Variants in NAA16 observed in about 807,000 individuals in gnomAD.
NAA16 encodes N-alpha-acetyltransferase 16, NatA auxiliary subunit.
NAA16 carries 97 observed loss-of-function variants against 110.3 expected under a neutral mutation model. That is an observed-to-expected ratio of 0.88 (90% CI 0.75 to 1.04). NAA16 has a LOEUF of 1.04. Among genes scored for constraint, NAA16 ranks in the 50% least tolerant of loss-of-function variants. The pLI, the probability that NAA16 is intolerant of heterozygous loss-of-function variation, is 0.00. For synonymous variants in NAA16, 372 were observed against 330.6 expected, an observed-to-expected ratio of 1.13 and a Z score of -1.36; for missense variants, 1,017 against 1,005.1, an observed-to-expected ratio of 1.01 and a Z score of -0.16.
At chr13:41,321,074 A>AGG (rs780381763) in intron 4 of NAA16, among the ~76,000 whole-genome samples, 10 of 152,172 alleles carry the variant, frequency 6.6e-5, no homozygotes, top group Non-Finnish European at 1.3e-4. Context: ...TTGAGATGGG[A>AGG]GGATCGCTTG....
intron 17 of NAA16, chr13:41,373,132 C>G: frequency 1.1e-6 from 1 of 946,124 alleles, no homozygotes. Context: ...TAAAATAAAC[C>G]TGTTAGCCAA....
At chr13:41,370,069 A>G (rs1005556903) in intron 15 of NAA16, among the ~76,000 whole-genome samples, 3 of 152,210 alleles carry the variant, frequency 2.0e-5, no homozygotes, top group African/African-American at 7.2e-5. Flanking sequence ...TCAAGTGTTA[A>G]TAGTTGTTTT....
intron 13 of NAA16, among the ~76,000 whole-genome samples, chr13:41,363,813 T>A (rs1351599771): frequency 6.6e-6 from 1 of 152,080 alleles, no homozygotes; most frequent in Non-Finnish European, 1.5e-5. Flanking sequence ...ACATTTGAGA[T>A]TAGAAAGAAG....
chr13:41,348,336 T>TC (rs1345431123), intron 9 of NAA16, among the ~76,000 whole-genome samples: 1 of 152,040 alleles, frequency 6.6e-6, no homozygotes, highest in Non-Finnish European at 1.5e-5. Context: ...CCCAGCCAGT[T>TC]CTTCTATTTT....
intron 2 of NAA16, 99 bp downstream of exon 2, chr13:41,317,029 G>A (rs1472245304): frequency 3.6e-6 from 3 of 826,386 alleles, no homozygotes; most frequent in Admixed American, 1.9e-5. Context: ...GGGCCTTGCA[G>A]TTCTCTATTA....
chr13:41,368,368 A>G, intron 14 of NAA16, among the ~76,000 whole-genome samples: 1 of 152,172 alleles, frequency 6.6e-6, no homozygotes, highest in Non-Finnish European at 1.5e-5. Flanking sequence ...TATATGTATT[A>G]TCTCACTTAT....
chr13:41,374,901 C>A, intron 19 of NAA16, 62 bp downstream of exon 19: 1 of 988,430 alleles, frequency 1.0e-6, no homozygotes, highest in Non-Finnish European at 1.6e-6. Flanking sequence ...CGTGTCTTTA[C>A]AGCATAATTC....
chr13:41,368,081 G>A (rs1325572824), intron 14 of NAA16, among the ~76,000 whole-genome samples: 2 of 152,052 alleles, frequency 1.3e-5, no homozygotes, highest in Non-Finnish European at 2.9e-5. Context: ...AATGTCTGTG[G>A]ACTAGTTTTT....
chr13:41,336,578 T>G, intron 8 of NAA16, 72 bp from the exon 9 acceptor site: 2 of 972,204 alleles, frequency 2.1e-6, no homozygotes, highest in Non-Finnish European at 3.1e-6. Flanking sequence ...GGAGCTTTAT[T>G]TTTATTTAGA....
chr13:41,329,555 T>C (rs551025848), intron 7 of NAA16, among the ~76,000 whole-genome samples: 2 of 151,256 alleles, frequency 1.3e-5, no homozygotes, highest in Admixed American at 1.3e-4. Context: ...GTTTGGTAAA[T>C]AGGTAGCTAC....
intron 8 of NAA16, among the ~76,000 whole-genome samples, chr13:41,333,310 G>C (rs1199460002): frequency 6.6e-6 from 1 of 152,018 alleles, no homozygotes; most frequent in Non-Finnish European, 1.5e-5. Context: ...CTTTTAAAAA[G>C]TGTGTGCAAT....
chr13:41,343,669 AC>A (rs1200342528), intron 9 of NAA16, among the ~76,000 whole-genome samples: 2 of 152,158 alleles, frequency 1.3e-5, no homozygotes, highest in African/African-American at 4.8e-5. Flanking sequence ...AGCTGGGACT[AC>A]AGGCGCACAC....
In NAA16 at chr13:41,328,808, GTTA is replaced by G; in HGVS notation, c.781_783del (p.Tyr261del). The G allele has an allele frequency of 6.2e-7, 1 of 1,605,288 alleles. No homozygotes were observed. Among genetic ancestry groups the G allele is most frequent in the Non-Finnish European group, 8.5e-7 (1 of 1,172,760 alleles). ...ATTGATCGAAATGCAGAAAATTGGT[GTTA>G]TTATGAAGGCTTGGAAAAAGCTCTA... is the stretch of plus-strand genomic sequence containing the variant. On this transcript the variant is annotated inframe_deletion, in exon 7 of 20. Transcript: ENST00000379406.
intron 9 of NAA16, among the ~76,000 whole-genome samples, chr13:41,337,743 C>CA (rs1168735699): frequency 6.6e-6 from 1 of 151,724 alleles, no homozygotes; most frequent in African/African-American, 2.4e-5. Flanking sequence ...TTAGAAATGC[C>CA]AAAAAAATTT....
In NAA16 at chr13:41,375,576, TATGA is replaced by T; in HGVS notation, c.2570_2573del (p.Tyr857LeufsTer11). On this transcript the variant is annotated frameshift_variant, in exon 20 of 20. Coordinates refer to ENST00000379406, the MANE Select transcript of NAA16 (RefSeq NM_024561.5). LOFTEE classifies it high-confidence loss of function. ...TGTGGCACTGAACCATACAGCTAAT[TATGA>T]TGTCTTGGCAAATGAAATTTGAAAT... 6.2e-7 allele frequency: 1 copy of T among 1,613,462 alleles called. No individual in the cohort carries two copies. Among genetic ancestry groups the T allele is most frequent in the South Asian group, 1.1e-5 (1 of 90,978 alleles).
At chr13:41,330,049 CTTG>C (rs1217027229) in intron 7 of NAA16, among the ~76,000 whole-genome samples, 21 of 150,662 alleles carry the variant, frequency 1.4e-4, no homozygotes, top group Admixed American at 1.2e-3. Context: ...ATACTTGGCG[CTTG>C]TTGTTCTCTA....
At chr13:41,322,399 T>C (rs1202057146) in intron 4 of NAA16, among the ~76,000 whole-genome samples, 1 of 152,156 alleles carries the variant, frequency 6.6e-6, no homozygotes, top group Non-Finnish European at 1.5e-5. Context: ...AGGGTGTGGC[T>C]GTGGGAGTGG....
chr13:41,357,784 G>A (rs933586272), intron 10 of NAA16, among the ~76,000 whole-genome samples: 8 of 152,122 alleles, frequency 5.3e-5, no homozygotes, highest in Non-Finnish European at 1.0e-4. Context: ...TTCTACTTAG[G>A]TTTTTGTCAG....
intron 10 of NAA16, among the ~76,000 whole-genome samples, chr13:41,357,834 C>G (rs758688683): frequency 3.9e-5 from 6 of 152,126 alleles, no homozygotes; most frequent in Non-Finnish European, 7.3e-5. Flanking sequence ...GTATCTTCTT[C>G]CTATAGGTCA....
Sources: allele counts gnomAD v4.1 joint callset (sites outside exome capture counted in the v4.1 genomes callset), GRCh38; gene constraint gnomAD v4.1.1; transcripts MANE v1.5; gene names NCBI Gene and HGNC (gene_info 2026-07-23, HGNC 2026-07-21).